MYH11: variants seen among roughly 807,000 people sequenced by gnomAD.
The protein encoded by MYH11 is myosin heavy chain 11, also known as myosin-11.
In MYH11, 80 loss-of-function variants were observed where a neutral mutation model predicts 246.6. The observed-to-expected ratio is 0.32, with a 90% CI of 0.27 to 0.39. MYH11 has a LOEUF of 0.39. Ranked by LOEUF, MYH11 falls within the 10% of genes least tolerant of loss-of-function variation. The pLI is 1.00. For missense variants in MYH11, 2,158 were observed against 2,546.8 expected (o/e 0.85, Z 3.29); for synonymous variants, 1,071 against 1,015.5 (o/e 1.05, Z -1.04).
intron 3 of MYH11, among the ~76,000 whole-genome samples, chr16:15,806,910 C>T (rs1013793759): frequency 1.4e-4 from 21 of 152,084 alleles, no homozygotes; most frequent in African/African-American, 3.9e-4. Flanking sequence ...ATTCAACAAA[C>T]GAGTCCTGAG....
At chr16:15,728,448 A>G (rs1217161780) in intron 27 of MYH11, among the ~76,000 whole-genome samples, 3 of 152,202 alleles carry the variant, frequency 2.0e-5, no homozygotes, top group African/African-American at 4.8e-5. Context: ...TGCCACATCT[A>G]AGTAGCGGCT....
At chr16:15,720,464 C>G in intron 33 of MYH11, 152 bp from the exon 34 acceptor site, 1 of 1,150,622 alleles carries the variant, frequency 8.7e-7, no homozygotes, top group Admixed American at 2.0e-5. Flanking sequence ...AACGGAATCA[C>G]GCCGGGCGTG....
intron 2 of MYH11, among the ~76,000 whole-genome samples, chr16:15,824,303 G>T (rs1162261199): frequency 2.0e-5 from 3 of 151,576 alleles, no homozygotes; most frequent in East Asian, 3.9e-4. Context: ...TTTGAGACAG[G>T]GTCTTGCTCT....
chr16:15,809,436 A>AG (rs11374942), intron 3 of MYH11, among the ~76,000 whole-genome samples: 17,092 of 151,672 alleles, frequency 0.11, 1,103 homozygotes, highest in East Asian at 0.15. Context: ...GGAGGCTGAG[A>AG]GGGGAGGATC....
At chr16:15,727,175 A>T in intron 27 of MYH11, 121 bp from the exon 28 acceptor site, 1 of 825,472 alleles carries the variant, frequency 1.2e-6, no homozygotes, top group Non-Finnish European at 2.0e-6. Flanking sequence ...GCACACAATC[A>T]CCAGTAAGAG....
intron 20 of MYH11, among the ~76,000 whole-genome samples, chr16:15,742,617 G>C (rs8057469): frequency 0.22 from 33,551 of 151,768 alleles, 4,220 homozygotes; most frequent in South Asian, 0.37. Context: ...TGTAGTCCCA[G>C]CTAGTGAGGG....
chr16:15,856,245 G>A (rs2044466168), intron 1 of MYH11, among the ~76,000 whole-genome samples: 1 of 145,976 alleles, frequency 6.9e-6, no homozygotes, highest in African/African-American at 2.5e-5. Context: ...ATTTGGAGAA[G>A]AGGAAAAAGT....
At chr16:15,790,506 T>A (rs1321502530) in intron 4 of MYH11, among the ~76,000 whole-genome samples, 2 of 151,912 alleles carry the variant, frequency 1.3e-5, no homozygotes, top group African/African-American at 4.8e-5. Flanking sequence ...CCCTGGGAGG[T>A]TCTGCCAAAG....
At chr16:15,748,372 C>T (rs2151261262) in intron 16 of MYH11, among the ~76,000 whole-genome samples, 1 of 152,342 alleles carries the variant, frequency 6.6e-6, no homozygotes, top group Middle Eastern at 3.4e-3. Context: ...ATGGCTGCCT[C>T]ATGATCTCTC....
intron 27 of MYH11, 36 bp downstream of exon 27, chr16:15,732,526 ATG>A: frequency 6.2e-7 from 1 of 1,613,878 alleles, no homozygotes; most frequent in Non-Finnish European, 8.5e-7. Flanking sequence ...TGTCACTCTT[ATG>A]TGTCATCACC....
chr16:15,772,452 A>T (rs72772043), intron 8 of MYH11, among the ~76,000 whole-genome samples: 1 of 152,226 alleles, frequency 6.6e-6, no homozygotes, highest in Non-Finnish European at 1.5e-5. Flanking sequence ...TTTAAAAATC[A>T]ATTACTACCA....
Position 15,719,700 on chromosome 16 carries a change from T to C in MYH11, c.4967A>G (p.Asp1656Gly). 1 of 1,614,168 alleles carries C rather than the reference T, an allele frequency of 6.2e-7. No homozygotes were observed. Among genetic ancestry groups the C allele is most frequent in the South Asian group, 1.1e-5 (1 of 91,084 alleles). The change falls in exon 35 of 41, where the codon GAC (aspartate) becomes GGC (glycine). Residue 1656 changes from aspartate to glycine, a missense_variant. Around this residue, in one of 11 missense-constraint regions of MYH11, gnomAD observed 1,013 missense variants for 993.5 expected, o/e 1.02. Coordinates refer to ENST00000300036, the MANE Select transcript of MYH11 (RefSeq NM_002474.3). ...GGCATCTTCCAGCTCTCTTTGAAAG[T>C]CCTTCATCTGAGCCTGCATGAGTCA... ...QLRKLQAQMK[D>G]FQRELEDARA...
chr16:15,823,523 A>T (rs1330828933), intron 2 of MYH11, 112 bp from the exon 3 acceptor site: 3 of 1,366,720 alleles, frequency 2.2e-6, no homozygotes. Flanking sequence ...TTGGAGTCTT[A>T]GTGGAAACCC....
At chr16:15,769,013 A>G (rs1038420513) in intron 9 of MYH11, among the ~76,000 whole-genome samples, 1 of 150,504 alleles carries the variant, frequency 6.6e-6, no homozygotes, top group South Asian at 2.1e-4. Context: ...TCAAACCAAA[A>G]CAAAACAAAA....
intron 9 of MYH11, among the ~76,000 whole-genome samples, chr16:15,771,338 C>T (rs1433108131): frequency 1.3e-5 from 2 of 151,994 alleles, no homozygotes; most frequent in Non-Finnish European, 1.5e-5. Context: ...GTCACTTTCC[C>T]TTTGGTTTAA....
At chr16:15,711,557 CTG>C (rs2039796375) in intron 40 of MYH11, among the ~76,000 whole-genome samples, 1 of 152,140 alleles carries the variant, frequency 6.6e-6, no homozygotes, top group Non-Finnish European at 1.5e-5. Flanking sequence ...ATGATTAAAA[CTG>C]TTAAAAGATC....
At position 15,703,385 on chromosome 16, in the gene MYH11, G is replaced by A. The variant is rs1596659490; in HGVS notation, c.*606C>T. ...GAATGAATTGGGAGTGGGGGCCGGCGGCACCCATTTCGGTGACTTTCTCCC... is the reference window on the plus strand; with the variant it reads ...GAATGAATTGGGAGTGGGGGCCGGCAGCACCCATTTCGGTGACTTTCTCCC... On this transcript the variant is annotated 3_prime_UTR_variant, in exon 41 of 41. Transcript: ENST00000300036. 2.1e-5 allele frequency: 5 copies of A among 237,840 alleles called. No individual in the cohort carries two copies. The East Asian group carries it at 2.4e-4, about 11-fold the overall frequency. The allele number at this position is 237,840 out of a possible 1,614,324, so 14.7% of individuals were successfully genotyped here. A position where few individuals can be genotyped will look rare whatever the true frequency, so the allele number is the denominator to read the frequency against.
At chr16:15,808,550 T>C (rs545604998) in intron 3 of MYH11, among the ~76,000 whole-genome samples, 4 of 152,286 alleles carry the variant, frequency 2.6e-5, no homozygotes, top group South Asian at 2.1e-4. Context: ...TTGAGAGCCT[T>C]TGCTGCAACC....
Position 15,759,528 on chromosome 16 carries a change from A to G in MYH11, c.1401+48T>C, listed in dbSNP as rs780499213. 8.1e-6 allele frequency: 13 copies of G among 1,613,608 alleles called. No individual in the cohort carries two copies. In the South Asian group the frequency reaches 1.1e-4, roughly 14 times the overall value. On this transcript the variant is annotated intron_variant, in intron 12 of 40. Coordinates refer to ENST00000300036, the MANE Select transcript of MYH11 (RefSeq NM_002474.3). The stretch of plus-strand genomic sequence containing the variant: ...TCATGACTCCTCCAAGAAAAAGCCC[A>G]TCTCAGACAACCAAGACCATGGCTC...
Sources: allele counts gnomAD v4.1 joint callset (sites outside exome capture counted in the v4.1 genomes callset), GRCh38; gene constraint gnomAD v4.1.1; regional missense constraint gnomAD v4.1.1; transcripts MANE v1.5; gene names NCBI Gene and HGNC (gene_info 2026-07-23, HGNC 2026-07-21).